PRDM16: variants seen among roughly 807,000 people sequenced by gnomAD.
PRDM16 encodes the protein histone-lysine N-methyltransferase PRDM16.
A neutral mutation model predicts 110.6 loss-of-function variants in PRDM16; 23 were observed. That is an observed-to-expected ratio of 0.21 (90% CI 0.15 to 0.29). PRDM16 has a LOEUF of 0.29. Among genes scored for constraint, PRDM16 ranks in the 10% least tolerant of loss-of-function variants. PRDM16 has a pLI of 1.00. For synonymous variants in PRDM16, 799 were observed against 781.8 expected (o/e 1.02, Z -0.37); for missense variants, 1,615 against 1,794.3 (o/e 0.90, Z 1.81).
chr1:3,155,051 G>A lies in PRDM16; in HGVS notation c.38-31074G>A, dbSNP rs563350572. On this transcript the variant is annotated intron_variant, in intron 1 of 16. Transcript: ENST00000270722. The stretch of plus-strand genomic sequence containing the variant: ...CCCTGAGGCCTCACATCAAACTCCA[G>A]GGGGTGCTCCATGTGGGTACCAAGC... Among the ~76,000 whole-genome samples, 5 of 152,288 alleles carry A rather than the reference G, an allele frequency of 3.3e-5. No homozygotes were observed. The South Asian group carries it at 1.0e-3, about 32-fold the overall frequency.
At chr1:3,301,421 G>T (rs958498377) in intron 3 of PRDM16, among the ~76,000 whole-genome samples, 2 of 152,042 alleles carry the variant, frequency 1.3e-5, no homozygotes, top group Non-Finnish European at 2.9e-5. Context: ...GCCAATAAAT[G>T]CATTTGTAGT....
rs796553464 is a variant in PRDM16, at chr1:3,165,490, T to A, written c.38-20635T>A. Among the ~76,000 whole-genome samples, 223 of 78,330 alleles carry A rather than the reference T, an allele frequency of 2.8e-3. 48 individuals carry two copies. The highest frequency in any genetic ancestry group is 0.015 in the East Asian group (32 of 2,180). 51.4% of individuals were successfully genotyped at this position (78,330 alleles called of 152,430 possible). On this transcript the variant is annotated intron_variant, in intron 1 of 16. Coordinates refer to ENST00000270722, the MANE Select transcript of PRDM16 (RefSeq NM_022114.4). ...CTGGGCTCAGGGACAGTGACTCACC[T>A]GGGCTCAGGGACAGGGACTCACCTG... is the stretch of plus-strand genomic sequence containing the variant.
chr1:3,422,864 C>T (rs540099054), intron 12 of PRDM16, among the ~76,000 whole-genome samples: 26 of 152,332 alleles, frequency 1.7e-4, no homozygotes, highest in South Asian at 6.2e-4. Context: ...TGGGAGGAGA[C>T]GCTGGGACCC....
intron 14 of PRDM16, among the ~76,000 whole-genome samples, chr1:3,427,143 C>T (rs146335310): frequency 5.9e-5 from 9 of 152,368 alleles, no homozygotes; most frequent in East Asian, 3.9e-4. Context: ...TGGTGGAATT[C>T]GGATCCAGGA....
chr1:3,079,282 C>T (rs1035042152), intron 1 of PRDM16, among the ~76,000 whole-genome samples: 1 of 152,150 alleles, frequency 6.6e-6, no homozygotes, highest in South Asian at 2.1e-4. Context: ...CTTCCAGCCT[C>T]ACATCAGAGG....
rs1642220044 is a variant in PRDM16, at chr1:3,339,117, T to A, written c.439-46035T>A. Among the ~76,000 whole-genome samples the A allele has an allele frequency of 6.6e-5, 10 of 152,240 alleles. No homozygotes were observed. The highest frequency in any genetic ancestry group is 6.5e-4 in the Admixed American group (10 of 15,294). The stretch of plus-strand genomic sequence containing the variant: ...TGCACTCCCCTCTCTGGCCTCCCCA[T>A]GTCCCGCCTTTCCGGGTGCTCAGAG... On this transcript the variant is annotated intron_variant, in intron 3 of 16. Coordinates refer to ENST00000270722, the MANE Select transcript of PRDM16 (RefSeq NM_022114.4). This position sits in a 1 kb window ranked among gnomAD's most constrained non-coding sequence, Gnocchi z 5.0.
chr1:3,140,036 C>T (rs1034117075), intron 1 of PRDM16, among the ~76,000 whole-genome samples: 14 of 152,342 alleles, frequency 9.2e-5, no homozygotes, highest in South Asian at 4.1e-4. Flanking sequence ...GAGAATGGAC[C>T]GCGGGCTCTG....
chr1:3,361,878 G>T (rs1642719894), intron 3 of PRDM16, among the ~76,000 whole-genome samples: 1 of 147,850 alleles, frequency 6.8e-6, no homozygotes, highest in Non-Finnish European at 1.5e-5. Context: ...CCAGGAGGGA[G>T]GGCAGGTGGT....
intron 2 of PRDM16, chr1:3,237,812 C>T (rs1177963551): frequency 6.6e-6 from 1 of 152,354 alleles, no homozygotes; most frequent in Non-Finnish European, 1.5e-5. Context: ...TTTGGGTCTT[C>T]AAGGCCTTGC....
chr1:3,413,460 C>T (rs1643728556), intron 9 of PRDM16, among the ~76,000 whole-genome samples: 1 of 152,082 alleles, frequency 6.6e-6, no homozygotes, highest in Non-Finnish European at 1.5e-5. Context: ...AATGCCACTC[C>T]CTAATTTCTG....
chr1:3,113,603 G>A (rs558721701), intron 1 of PRDM16, among the ~76,000 whole-genome samples: 13 of 152,210 alleles, frequency 8.5e-5, no homozygotes, highest in Non-Finnish European at 1.3e-4. Flanking sequence ...ACTTTGCTCC[G>A]AATAATCCCT....
rs370951754 is a variant in PRDM16 at position 3,272,393 on chromosome 1, AG to A, written c.438+28259del. Among the ~76,000 whole-genome samples the A allele has an allele frequency of 5.1e-3, 773 of 152,232 alleles. 9 individuals carry two copies. The highest frequency in any genetic ancestry group is 0.016 in the African/African-American group (674 of 41,520). On this transcript the variant is annotated intron_variant, in intron 3 of 16. Transcript: ENST00000270722. The stretch of plus-strand genomic sequence containing the variant: ...GATGTGTTTTTTGTTTGCAGCTCTC[AG>A]GGCACAGAGAAATCCATACCCCGGC...
rs1327610924 is a variant in PRDM16 at position 3,412,465 on chromosome 1, G to A, written c.2268G>A (p.Lys756=). ...AHNLLVKAEP[K]SPRDALKVGG... ...ACTTGCTGGTCAAGGCCGAGCCAAA[G>A]TCACCCCGGGACGCCCTCAAGGTGG... The change falls in exon 9 of 17, where the codon AAG becomes AAA. Residue 756 remains lysine (K), a synonymous_variant. Transcript: ENST00000270722. 3 of 1,613,058 alleles carry A rather than the reference G, an allele frequency of 1.9e-6. No individual in the cohort carries two copies. Among genetic ancestry groups the A allele is most frequent in the Admixed American group, 1.7e-5 (1 of 60,000 alleles).
At position 3,186,424 on chromosome 1, in the gene PRDM16, T is replaced by C. The variant is rs1569799261; in HGVS notation, c.337T>C (p.Cys113Arg). 6.3e-7 allele frequency: 1 copy of C among 1,576,398 alleles called. No homozygotes were observed. The highest frequency in any genetic ancestry group is 8.6e-7 in the Non-Finnish European group (1 of 1,161,608). Residue 113 changes from cysteine to arginine, a missense_variant, in exon 2 of 17, where the codon TGC becomes CGC. Cys to Arg is a radical substitution (Grantham distance 180, BLOSUM62 -3). Transcript: ENST00000270722. The part of the protein sequence containing the change: ...KMEAGERLGP[C>R]VVVPRAAAKE... ...GGAAGCCGGGGAGAGGCTGGGCCCCTGCGTGGTGGTGCCCCGGGCGGCGGC... is the reference window on the plus strand; with the variant it reads ...GGAAGCCGGGGAGAGGCTGGGCCCCCGCGTGGTGGTGCCCCGGGCGGCGGC...
chr1:3,424,423 C>T (rs550255770), intron 12 of PRDM16, among the ~76,000 whole-genome samples: 4 of 152,240 alleles, frequency 2.6e-5, no homozygotes, highest in African/African-American at 4.8e-5. Context: ...CTCATTATGA[C>T]GACTTTCCAG....
chr1:3,205,171 CA>C (rs1638726789), intron 2 of PRDM16, among the ~76,000 whole-genome samples: 1 of 142,258 alleles, frequency 7.0e-6, no homozygotes, highest in Admixed American at 7.2e-5. Flanking sequence ...GCCGGGGGGC[CA>C]GGGGCAGAAG....
At chr1:3,242,434 C>T (rs963167358) in intron 2 of PRDM16, among the ~76,000 whole-genome samples, 6 of 152,190 alleles carry the variant, frequency 3.9e-5, no homozygotes, top group Non-Finnish European at 7.3e-5. Context: ...ACCACTGGGA[C>T]GGGGCATCCC....
rs566515370 is a variant in PRDM16, at chr1:3,358,611, C to T, written c.439-26541C>T. ...GGACCCCTCCCTCCTGCCCTCAGCC[C>T]TCTCCGAAGAGCTCAGAAACATCTC... On this transcript the variant is annotated intron_variant, in intron 3 of 16. Coordinates refer to ENST00000270722, the MANE Select transcript of PRDM16 (RefSeq NM_022114.4). This position sits in a 1 kb window ranked among gnomAD's most constrained non-coding sequence, Gnocchi z 4.0. 1.3e-5 allele frequency among the ~76,000 whole-genome samples: 2 copies of T among 152,330 alleles called. No homozygotes were observed. The highest frequency in any genetic ancestry group is 2.9e-5 in the Non-Finnish European group (2 of 68,026).
At chr1:3,139,651 G>A (rs1569662639) in intron 1 of PRDM16, among the ~76,000 whole-genome samples, 2 of 151,736 alleles carry the variant, frequency 1.3e-5, no homozygotes, top group African/African-American at 2.4e-5. Context: ...TCCGGGGCCC[G>A]GCTGTGATTT....
Sources: gnomAD v4.1 joint callset for allele counts (sites outside exome capture counted in the v4.1 genomes callset) on GRCh38, gnomAD v4.1.1 for gene constraint, Gnocchi (gnomAD v3.1) non-coding constraint, MANE v1.5 for transcripts, NCBI Gene and HGNC (gene_info 2026-07-23, HGNC 2026-07-21) for gene names.